DGKI: variants seen among roughly 807,000 people sequenced by gnomAD.
DGKI encodes the protein diacylglycerol kinase iota, also known as DAG kinase iota.
Under a neutral mutation model 147.5 loss-of-function variants are expected in DGKI, and 55 were observed. That is an observed-to-expected ratio of 0.37 (90% CI 0.30 to 0.47). The LOEUF is 0.47. DGKI is among the 20% of genes least tolerant of loss of function. The pLI is 1.00. For synonymous variants in DGKI, 469 were observed against 477.1 expected (o/e 0.98, Z 0.22); for missense variants, 1,007 against 1,323.8 (o/e 0.76, Z 3.71).
intron 1 of DGKI, among the ~76,000 whole-genome samples, chr7:137,823,800 A>G (rs907735451): frequency 6.6e-6 from 1 of 152,238 alleles, no homozygotes; most frequent in Non-Finnish European, 1.5e-5. Context: ...TCATTATTTG[A>G]TACAATTAAA....
chr7:137,662,845 C>T (rs1395606933), intron 3 of DGKI, among the ~76,000 whole-genome samples: 1 of 152,198 alleles, frequency 6.6e-6, no homozygotes, highest in Non-Finnish European at 1.5e-5. Context: ...CTGAAACCTT[C>T]TGAGATAGCC....
At chr7:137,694,088 G>A (rs1187366731) in intron 1 of DGKI, among the ~76,000 whole-genome samples, 2 of 152,150 alleles carry the variant, frequency 1.3e-5, no homozygotes, top group Admixed American at 1.3e-4. Context: ...TTGGGAGGCC[G>A]AGGCGGGCAG....
intron 1 of DGKI, among the ~76,000 whole-genome samples, chr7:137,736,570 A>T (rs1795028886): frequency 6.6e-6 from 1 of 152,134 alleles, no homozygotes; most frequent in Non-Finnish European, 1.5e-5. Context: ...TGAAAGAGAC[A>T]ACACTTACAA....
At chr7:137,460,468 C>A (rs2128924187) in intron 27 of DGKI, among the ~76,000 whole-genome samples, 1 of 152,122 alleles carries the variant, frequency 6.6e-6, no homozygotes, top group Non-Finnish European at 1.5e-5. Flanking sequence ...TGGCAAGTTC[C>A]AAAATATATG....
rs370988091 is a variant in DGKI, at chr7:137,672,854, T to C, written c.606+5703A>G. 1.3e-3 allele frequency among the ~76,000 whole-genome samples: 199 copies of C among 147,522 alleles called. 1 individual carries two copies. Among genetic ancestry groups the C allele is most frequent in the African/African-American group, 4.8e-3 (186 of 39,084 alleles). Reference sequence around the variant, plus strand: ...GGAGTGCAATGGCACGATCTCGGCTTACCGCAACCTCCGCCTCCTGGGTTC... The same window carrying C: ...GGAGTGCAATGGCACGATCTCGGCTCACCGCAACCTCCGCCTCCTGGGTTC... On this transcript the variant is annotated intron_variant, in intron 3 of 32. Coordinates refer to ENST00000614521, the MANE Select transcript of DGKI (RefSeq NM_001321708.2).
At chr7:137,766,560 A>C (rs564571224) in intron 1 of DGKI, among the ~76,000 whole-genome samples, 1 of 152,346 alleles carries the variant, frequency 6.6e-6, no homozygotes, top group Non-Finnish European at 1.5e-5. Flanking sequence ...GCCCCTCAGA[A>C]AAGCTGAGGA....
At chr7:137,430,344 A>G (rs189380326) in intron 28 of DGKI, among the ~76,000 whole-genome samples, 2,268 of 150,566 alleles carry the variant, frequency 0.015, 54 homozygotes, top group African/African-American at 0.053. Flanking sequence ...CATAGGTGGG[A>G]ACTGAACAAT....
At chr7:137,471,798 T>C (rs2128928959) in intron 23 of DGKI, among the ~76,000 whole-genome samples, 1 of 150,424 alleles carries the variant, frequency 6.6e-6, no homozygotes, top group South Asian at 2.1e-4. Flanking sequence ...TATTTATAAA[T>C]ATAAAATATG....
At chr7:137,515,053 C>A (rs2128949290) in intron 21 of DGKI, among the ~76,000 whole-genome samples, 1 of 152,302 alleles carries the variant, frequency 6.6e-6, no homozygotes, top group Non-Finnish European at 1.5e-5. Context: ...GTTCCAGTCA[C>A]ATGGACATCC....
At chr7:137,559,974 T>A (rs1818363107) in intron 19 of DGKI, among the ~76,000 whole-genome samples, 1 of 152,172 alleles carries the variant, frequency 6.6e-6, no homozygotes, top group Non-Finnish European at 1.5e-5. Context: ...TTAATACTGG[T>A]CCAGTAGAAT....
In DGKI at chr7:137,618,147, A is replaced by T. The variant is rs200470025; in HGVS notation, c.993+1677T>A. 4.3e-3 allele frequency among the ~76,000 whole-genome samples: 50 copies of T among 11,530 alleles called. 6 individuals are homozygous for T. Among genetic ancestry groups the T allele is most frequent in the East Asian group, 0.012 (4 of 340 alleles). 7.6% of individuals were successfully genotyped at this position (11,530 alleles called of 152,430 possible). A position where few individuals can be genotyped will look rare whatever the true frequency, so the allele number is the denominator to read the frequency against. ...AAATACTATATATATATATATATATATATATTTTTTTTTTTTTACTCTATC... is the reference window on the plus strand; with the variant it reads ...AAATACTATATATATATATATATATTTATATTTTTTTTTTTTTACTCTATC... On this transcript the variant is annotated intron_variant, in intron 8 of 32. Coordinates refer to ENST00000614521, the MANE Select transcript of DGKI (RefSeq NM_001321708.2).
chr7:137,563,271 A>T (rs1332362467), intron 19 of DGKI, among the ~76,000 whole-genome samples: 1 of 150,374 alleles, frequency 6.7e-6, no homozygotes, highest in Non-Finnish European at 1.5e-5. Context: ...CATATAAAGG[A>T]CACTAATAAA....
chr7:137,669,467 G>C (rs1225543844), intron 3 of DGKI, among the ~76,000 whole-genome samples: 1 of 152,088 alleles, frequency 6.6e-6, no homozygotes, highest in Non-Finnish European at 1.5e-5. Context: ...TGTACACCTG[G>C]GCATTGCCTA....
chr7:137,487,556 T>G, intron 22 of DGKI, 54 bp downstream of exon 22: 2 of 1,465,040 alleles, frequency 1.4e-6, no homozygotes, highest in Non-Finnish European at 9.6e-7. Flanking sequence ...GGCTGGTAAT[T>G]GTTTACAAAA....
chr7:137,599,779 T>C (rs1207546007), intron 11 of DGKI, 44 bp downstream of exon 11: 1 of 1,574,072 alleles, frequency 6.4e-7, no homozygotes, highest in Non-Finnish European at 8.7e-7. Context: ...AATTCTCACT[T>C]GCCTAAAATA....
rs182482096 is a variant in DGKI at position 137,760,057 on chromosome 7, G to C, written c.402-70055C>G. Among the ~76,000 whole-genome samples, 3 of 152,248 alleles carry C rather than the reference G, an allele frequency of 2.0e-5. No individual in the cohort carries two copies. In the East Asian group the frequency reaches 5.8e-4, roughly 29 times the overall value. ...ACTGAGGCAATTGAGGCAATCGACA[G>C]GGAATCCTCCTAATCCTCTTCTGTG... is the stretch of plus-strand genomic sequence containing the variant. On this transcript the variant is annotated intron_variant, in intron 1 of 32. Transcript: ENST00000614521.
intron 8 of DGKI, among the ~76,000 whole-genome samples, chr7:137,613,194 C>G (rs981212173): frequency 2.6e-5 from 4 of 152,116 alleles, no homozygotes; most frequent in Non-Finnish European, 5.9e-5. Context: ...GAGAAGAGAT[C>G]TGTTCGCTCT....
intron 19 of DGKI, among the ~76,000 whole-genome samples, chr7:137,564,877 C>T (rs1818530860): frequency 6.6e-6 from 1 of 152,226 alleles, no homozygotes; most frequent in South Asian, 2.1e-4. Context: ...TCAGCGACCC[C>T]CAACGCCTTG....
At chr7:137,765,615 G>A (rs539803123) in intron 1 of DGKI, among the ~76,000 whole-genome samples, 29 of 152,238 alleles carry the variant, frequency 1.9e-4, no homozygotes, top group African/African-American at 5.5e-4. Flanking sequence ...TGCAGAAACC[G>A]TTCACTTGTC....
Sources: gnomAD v4.1 joint callset for allele counts (sites outside exome capture counted in the v4.1 genomes callset) on GRCh38, gnomAD v4.1.1 for gene constraint, MANE v1.5 for transcripts, NCBI Gene and HGNC (gene_info 2026-07-23, HGNC 2026-07-21) for gene names.